The following PCDHA8 variants were observed in gnomAD, a reference collection of about 807,000 sequenced individuals.
The protein encoded by PCDHA8 is protocadherin alpha 8.
Under a neutral mutation model 61.8 loss-of-function variants are expected in PCDHA8, and 53 were observed. The observed-to-expected ratio is 0.86, with a 90% CI of 0.69 to 1.08. The LOEUF (loss-of-function observed/expected upper bound fraction) is 1.08. PCDHA8 is among the 50% of genes least tolerant of loss of function. PCDHA8 has a pLI of 0.00. For missense variants in PCDHA8, 1,293 were observed against 1,245.0 expected, an observed-to-expected ratio of 1.04 and a Z score of -0.58; for synonymous variants, 618 against 556.6, an observed-to-expected ratio of 1.11 and a Z score of -1.55.
At chr5:140,942,867 C>T (rs1023164811) in intron 1 of PCDHA8, among the ~76,000 whole-genome samples, 5 of 151,858 alleles carry the variant, frequency 3.3e-5, no homozygotes, top group Admixed American at 1.3e-4. Context: ...TTTGCTTTAG[C>T]ATGACAACTT....
intron 1 of PCDHA8, among the ~76,000 whole-genome samples, chr5:140,977,658 T>C (rs1332848343): frequency 6.6e-6 from 1 of 152,192 alleles, no homozygotes; most frequent in African/African-American, 2.4e-5. Context: ...TTTGGCTAAT[T>C]CTCTGCATGC....
intron 1 of PCDHA8, among the ~76,000 whole-genome samples, chr5:140,885,154 T>C (rs1483016887): frequency 2.0e-5 from 3 of 152,168 alleles, no homozygotes; most frequent in African/African-American, 7.2e-5. Context: ...GTTTTGATTG[T>C]CTCTACTTTT....
chr5:140,991,310 C>T (rs1450251256), intron 3 of PCDHA8, among the ~76,000 whole-genome samples: 2 of 152,140 alleles, frequency 1.3e-5, no homozygotes, highest in Admixed American at 6.5e-5. Flanking sequence ...TATCTTGTCC[C>T]GCATGATACA....
In PCDHA8 at chr5:141,010,527, G is replaced by T; in HGVS notation, c.*590G>T. On this transcript the variant is annotated 3_prime_UTR_variant, in exon 4 of 4. Transcript: ENST00000531613. ...AAATCTTACAACTCAAGAGGTGGCA[G>T]CCACCCTCTAGGAGACAAAACTACC... The T allele has an allele frequency of 2.3e-6, 1 of 431,062 alleles. No homozygotes were observed. Among genetic ancestry groups the T allele is most frequent in the African/African-American group, 2.0e-5 (1 of 49,970 alleles). 26.7% of individuals were successfully genotyped at this position (431,062 alleles called of 1,614,324 possible).
chr5:140,877,005 C>G, intron 1 of PCDHA8: 1 of 1,612,474 alleles, frequency 6.2e-7, no homozygotes, highest in Non-Finnish European at 8.5e-7. Context: ...TGTCGGTGCA[C>G]GCGGAGAGCG....
chr5:140,929,540 G>A, intron 1 of PCDHA8: 1 of 549,498 alleles, frequency 1.8e-6, no homozygotes, highest in Admixed American at 4.2e-5. Context: ...GAGAAACAAG[G>A]GCAAAAATTA....
intron 1 of PCDHA8, chr5:140,862,140 G>A (rs2047224781): frequency 6.1e-6 from 1 of 162,900 alleles, no homozygotes; most frequent in Admixed American, 5.7e-5. Flanking sequence ...AGGTTTTGAG[G>A]AAACTAAATA....
At chr5:140,883,379 C>G in intron 1 of PCDHA8, 1 of 1,614,182 alleles carries the variant, frequency 6.2e-7, no homozygotes, top group Non-Finnish European at 8.5e-7. Flanking sequence ...CATTATTGCC[C>G]TAATCAGTGT....
chr5:140,916,520 G>C (rs1339531103), intron 1 of PCDHA8, among the ~76,000 whole-genome samples: 1 of 152,112 alleles, frequency 6.6e-6, no homozygotes, highest in African/African-American at 2.4e-5. Context: ...GCCAAGACTG[G>C]GTCCTTCCCA....
intron 1 of PCDHA8, among the ~76,000 whole-genome samples, chr5:140,907,775 G>T (rs1217508105): frequency 4.6e-5 from 7 of 152,178 alleles, no homozygotes; most frequent in African/African-American, 1.7e-4. Flanking sequence ...TGATGACAGG[G>T]GTGGCTGGGG....
chr5:140,871,445 A>C, intron 1 of PCDHA8: 1 of 1,609,986 alleles, frequency 6.2e-7, no homozygotes, highest in Non-Finnish European at 8.5e-7. Flanking sequence ...GGTCTGAATA[A>C]AGAGGAGGAA....
intron 1 of PCDHA8, chr5:140,927,331 A>T: frequency 6.2e-7 from 1 of 1,614,134 alleles, no homozygotes; most frequent in Non-Finnish European, 8.5e-7. Flanking sequence ...TACTCTCCCG[A>T]ATGCCCAAGA....
rs543512832 is a variant in PCDHA8 at position 140,899,964 on chromosome 5, T to C, written c.2394+56249T>C. On this transcript the variant is annotated intron_variant, in intron 1 of 3. Coordinates refer to ENST00000531613, the MANE Select transcript of PCDHA8 (RefSeq NM_018911.3). Reference sequence around the variant, plus strand: ...CTGGGACCACAGGCATGTGCTGCCATGCCCAGCTACTTTTTTGATTTTTTT... The same window carrying C: ...CTGGGACCACAGGCATGTGCTGCCACGCCCAGCTACTTTTTTGATTTTTTT... 3.3e-5 allele frequency among the ~76,000 whole-genome samples: 5 copies of C among 151,940 alleles called. No individual in the cohort carries two copies. In the South Asian group the frequency reaches 6.2e-4, roughly 19 times the overall value.
rs782361286 is a variant in PCDHA8, at chr5:140,876,924, G to T, written c.2394+33209G>T. The T allele has an allele frequency of 4.3e-6, 7 of 1,613,704 alleles. No individual in the cohort carries two copies. The African/African-American group carries it at 5.3e-5, about 12-fold the overall frequency. The stretch of plus-strand genomic sequence containing the variant: ...CGGTGTCGGCATGGGACGCGGACGC[G>T]CAGAAGAACGCGCTGGTGTCCTACT... On this transcript the variant is annotated intron_variant, in intron 1 of 3. Coordinates refer to ENST00000531613, the MANE Select transcript of PCDHA8 (RefSeq NM_018911.3).
chr5:140,851,098 T>G lies in PCDHA8; in HGVS notation c.2394+7383T>G, dbSNP rs922217993. ...TAAACTGTATATTAAATAGATATTT[T>G]TTGGGTGCTGAATCAATTTTATTTA... On this transcript the variant is annotated intron_variant, in intron 1 of 3. Transcript: ENST00000531613. The G allele has an allele frequency of 1.5e-6, 2 of 1,293,414 alleles. 1 individual carries two copies. The highest frequency in any genetic ancestry group is 3.1e-5 in the African/African-American group (2 of 65,490). 80.1% of individuals were successfully genotyped at this position (1,293,414 alleles called of 1,614,324 possible).
At chr5:140,902,709 TC>T (rs1248555909) in intron 1 of PCDHA8, among the ~76,000 whole-genome samples, 11 of 152,060 alleles carry the variant, frequency 7.2e-5, no homozygotes, top group Admixed American at 4.6e-4. Flanking sequence ...TATCTTTCAC[TC>T]CCCTCCCACC....
intron 1 of PCDHA8, chr5:140,882,074 G>C (rs1276421996): frequency 1.1e-6 from 1 of 886,834 alleles, no homozygotes. Context: ...CATGCGCATG[G>C]TGTCGCTCTT....
intron 1 of PCDHA8, chr5:140,848,600 C>CTA (rs2040492511): frequency 6.3e-7 from 1 of 1,593,634 alleles, no homozygotes; most frequent in Non-Finnish European, 8.6e-7. Flanking sequence ...ACTACTCCGT[C>CTA]CCGGAGGAAG....
intron 3 of PCDHA8, among the ~76,000 whole-genome samples, chr5:140,986,174 A>G (rs896771813): frequency 1.3e-5 from 2 of 152,238 alleles, no homozygotes; most frequent in Admixed American, 6.5e-5. Flanking sequence ...CAGGATAAAC[A>G]AGTCAGGCAT....
Sources: allele counts gnomAD v4.1 joint callset (sites outside exome capture counted in the v4.1 genomes callset), GRCh38; gene constraint gnomAD v4.1.1; transcripts MANE v1.5; gene names NCBI Gene and HGNC (gene_info 2026-07-23, HGNC 2026-07-21).